Variants in ASTN2 observed in about 807,000 individuals in gnomAD.
ASTN2 encodes astrotactin 2, also known as astrotactin-2.
In ASTN2, 54 loss-of-function variants were observed where a neutral mutation model predicts 139.8. The observed-to-expected ratio is 0.39, with a 90% CI of 0.31 to 0.48. ASTN2 has a LOEUF of 0.48. ASTN2 is among the 20% of genes least tolerant of loss of function. ASTN2 has a pLI of 0.95. For missense variants in ASTN2, 1,565 were observed against 1,725.1 expected (o/e 0.91, Z 1.64); for synonymous variants, 756 against 719.5 (o/e 1.05, Z -0.81).
chr9:116,924,745 T>C (rs765124512), intron 10 of ASTN2, among the ~76,000 whole-genome samples: 44 of 152,170 alleles, frequency 2.9e-4, no homozygotes, highest in Non-Finnish European at 7.3e-5. Context: ...GAGGTCACTT[T>C]TGTGGCCATC....
chr9:116,780,514 G>C (rs562984813), intron 13 of ASTN2, among the ~76,000 whole-genome samples: 1 of 152,248 alleles, frequency 6.6e-6, no homozygotes, highest in African/African-American at 2.4e-5. Context: ...AAAGGTGTGA[G>C]AAGCAATTGG....
At chr9:117,098,509 T>A (rs1828892549) in intron 4 of ASTN2, among the ~76,000 whole-genome samples, 1 of 152,182 alleles carries the variant, frequency 6.6e-6, no homozygotes, top group African/African-American at 2.4e-5. Context: ...GATGACAACA[T>A]TTGATCTTTG....
chr9:117,402,145 C>A (rs1364678072), intron 1 of ASTN2, among the ~76,000 whole-genome samples: 1 of 152,202 alleles, frequency 6.6e-6, no homozygotes, highest in Non-Finnish European at 1.5e-5. Flanking sequence ...CAGCTCACTG[C>A]AATCTCCACC....
intron 5 of ASTN2, among the ~76,000 whole-genome samples, chr9:117,066,789 C>A (rs1827960315): frequency 6.6e-6 from 1 of 151,402 alleles, no homozygotes; most frequent in Non-Finnish European, 1.5e-5. Context: ...TGTTTTTTGG[C>A]TGCATAAATG....
At chr9:116,910,497 C>T (rs1351870319) in intron 10 of ASTN2, among the ~76,000 whole-genome samples, 2 of 152,184 alleles carry the variant, frequency 1.3e-5, no homozygotes, top group African/African-American at 4.8e-5. Context: ...AGGTTATTTA[C>T]TTGACACGCT....
At chr9:116,536,851 C>T (rs534155342) in intron 19 of ASTN2, among the ~76,000 whole-genome samples, 101 of 152,290 alleles carry the variant, frequency 6.6e-4, no homozygotes, top group Middle Eastern at 3.4e-3. Context: ...TCTCAAACTC[C>T]ATGCTGGGAG....
chr9:116,993,227 T>C (rs532215757), intron 7 of ASTN2, among the ~76,000 whole-genome samples: 2 of 152,280 alleles, frequency 1.3e-5, no homozygotes, highest in South Asian at 4.1e-4. Flanking sequence ...ATCCTTCTAG[T>C]ACCCAGTTCA....
At position 117,334,550 on chromosome 9, in the gene ASTN2, A is replaced by G. The variant is rs549767878; in HGVS notation, c.443-43037T>C. 2.9e-4 allele frequency among the ~76,000 whole-genome samples: 43 copies of G among 148,722 alleles called. No individual in the cohort carries two copies. In the South Asian group the frequency reaches 8.3e-3, roughly 29 times the overall value. On this transcript the variant is annotated intron_variant, in intron 1 of 22. Coordinates refer to ENST00000313400, the MANE Select transcript of ASTN2 (RefSeq NM_001365068.1). ...AAAGCCAGGCATACTCCTTGCCTTC[A>G]TCTCCCAGCATTCTGCCTCTACCAC...
intron 19 of ASTN2, among the ~76,000 whole-genome samples, chr9:116,590,705 T>C (rs545047595): frequency 6.6e-6 from 1 of 152,284 alleles, no homozygotes; most frequent in Admixed American, 6.5e-5. Flanking sequence ...TGGACACCTA[T>C]GGACAAATCA....
chr9:117,147,452 C>CAA (rs1830223808), intron 3 of ASTN2, among the ~76,000 whole-genome samples: 1 of 151,090 alleles, frequency 6.6e-6, no homozygotes, highest in African/African-American at 2.4e-5. Context: ...CACACACACA[C>CAA]ACACACACAC....
chr9:117,267,763 G>A (rs138428642), intron 2 of ASTN2, among the ~76,000 whole-genome samples: 3 of 152,168 alleles, frequency 2.0e-5, no homozygotes, highest in Non-Finnish European at 4.4e-5. Flanking sequence ...CTCTCAGGGC[G>A]CAGTTTCTCC....
chr9:116,433,275 T>C (rs1847552688), intron 22 of ASTN2, among the ~76,000 whole-genome samples: 1 of 152,214 alleles, frequency 6.6e-6, no homozygotes, highest in Admixed American at 6.5e-5. Flanking sequence ...TACATACGTA[T>C]CTGTGGGTAA....
At chr9:116,451,740 A>G (rs1848181148) in intron 20 of ASTN2, among the ~76,000 whole-genome samples, 1 of 152,052 alleles carries the variant, frequency 6.6e-6, no homozygotes, top group African/African-American at 2.4e-5. Flanking sequence ...TTTTGTACGA[A>G]AAAATGATGA....
intron 16 of ASTN2, among the ~76,000 whole-genome samples, chr9:116,692,364 T>C (rs1860614618): frequency 6.6e-6 from 1 of 152,112 alleles, no homozygotes; most frequent in Non-Finnish European, 1.5e-5. Context: ...TTCTAATAGG[T>C]TGGGTGGTGG....
At chr9:117,220,242 G>T (rs896482086) in intron 2 of ASTN2, among the ~76,000 whole-genome samples, 7 of 151,928 alleles carry the variant, frequency 4.6e-5, no homozygotes, top group African/African-American at 1.5e-4. Context: ...TAATGTCCAG[G>T]TTCCCTAGCC....
Position 116,468,483 on chromosome 9 carries a change from T to C in ASTN2, c.3497+18876A>G, listed in dbSNP as rs10983179. Among the ~76,000 whole-genome samples the C allele has an allele frequency of 7.2e-5, 11 of 152,276 alleles. No homozygotes were observed. In the East Asian group the frequency reaches 1.9e-3, roughly 27 times the overall value. ...AAGGATGCTCATGTACACAGAGGAATTGTCTGTGGCTCATCTCTCACCCTC... is the reference window on the plus strand; with the variant it reads ...AAGGATGCTCATGTACACAGAGGAACTGTCTGTGGCTCATCTCTCACCCTC... On this transcript the variant is annotated intron_variant, in intron 20 of 22. Transcript: ENST00000313400.
intron 19 of ASTN2, chr9:116,611,405 A>G (rs1359949346): frequency 2.0e-5 from 3 of 152,262 alleles, no homozygotes. Flanking sequence ...GAAAATTATA[A>G]TAAAAATTAG....
At chr9:117,022,355 G>A (rs1588488651) in intron 6 of ASTN2, among the ~76,000 whole-genome samples, 1 of 151,198 alleles carries the variant, frequency 6.6e-6, no homozygotes, top group South Asian at 2.1e-4. Context: ...TCTATGAGAA[G>A]ACAGTCAGAG....
chr9:117,363,977 G>A (rs993221586), intron 1 of ASTN2, among the ~76,000 whole-genome samples: 10 of 152,136 alleles, frequency 6.6e-5, no homozygotes, highest in Non-Finnish European at 1.3e-4. Flanking sequence ...CTGTCTAAAC[G>A]TGGATTAAAT....
Sources: gnomAD v4.1 joint callset for allele counts (sites outside exome capture counted in the v4.1 genomes callset) on GRCh38, gnomAD v4.1.1 for gene constraint, MANE v1.5 for transcripts, NCBI Gene and HGNC (gene_info 2026-07-23, HGNC 2026-07-21) for gene names.